Variants in CHST7 observed in about 807,000 individuals in gnomAD.
The protein encoded by CHST7 is N-acetylglucosamine 6-O-sulfotransferase 4.
CHST7 carries 5 observed loss-of-function variants against 9.0 expected under a neutral mutation model. The ratio of observed to expected loss-of-function variants is 0.56; its 90% CI spans 0.29 to 1.17. The LOEUF (loss-of-function observed/expected upper bound fraction) is 1.17. Among genes scored for constraint, CHST7 ranks in the 50% most tolerant of loss-of-function variants. The probability of loss-of-function intolerance (pLI) is 0.08; values close to 1 mark genes in which losing one functional copy is unlikely to be tolerated. For missense variants in CHST7, 377 were observed against 485.1 expected, an observed-to-expected ratio of 0.78 and a Z score of 2.09; for synonymous variants, 244 against 237.1, an observed-to-expected ratio of 1.03 and a Z score of -0.27.
At chrX:46,579,879 C>T (rs1207218999) in intron 1 of CHST7, among the ~76,000 whole-genome samples, 2 of 110,138 alleles carry the variant, frequency 1.8e-5, no homozygotes, top group African/African-American at 6.6e-5. Context: ...GTAGTCCCAG[C>T]TACTTGAGAG....
intron 1 of CHST7, among the ~76,000 whole-genome samples, chrX:46,591,517 G>A (rs1243831530): frequency 1.8e-5 from 2 of 109,908 alleles, no homozygotes; most frequent in Non-Finnish European, 3.8e-5. Context: ...TGGGATTACA[G>A]GGGTGCGCCA....
Position 46,574,030 on chromosome X carries a change from C to T in CHST7, c.99C>T (p.Asp33=). The change falls in exon 1 of 2, where the codon GAC becomes GAT. Residue 33 remains aspartate, a synonymous_variant. Coordinates refer to ENST00000276055, the MANE Select transcript of CHST7 (RefSeq NM_019886.4). ...LVLLLVPSVL[D]GGRDGDKGAE... is the part of the protein sequence containing the mutation. ...TGTTGCTCGTCCCCTCCGTATTGGACGGCGGCCGCGACGGGGACAAGGGCG... is the reference window on the plus strand; with the variant it reads ...TGTTGCTCGTCCCCTCCGTATTGGATGGCGGCCGCGACGGGGACAAGGGCG... 1.7e-6 allele frequency: 2 copies of T among 1,161,395 alleles called. No homozygotes were observed. The highest frequency in any genetic ancestry group is 2.3e-6 in the Non-Finnish European group (2 of 875,374).
rs1344880583 is a variant in CHST7 at position 46,574,486 on chromosome X, C to T, written c.555C>T (p.Ala185=). 6.6e-6 allele frequency: 8 copies of T among 1,205,745 alleles called. No homozygotes were observed. The highest frequency in any genetic ancestry group is 2.2e-5 in the Admixed American group (1 of 45,737). ...GDPAARAPDT[A]NLTTAALFRW... ...CCGCTGCGCGCGCCCCGGACACGGC[C>T]AATCTTACCACGGCCGCCCTCTTCC... is the stretch of plus-strand genomic sequence containing the variant. The change falls in exon 1 of 2, where the codon GCC becomes GCT. Residue 185 remains alanine (A), a synonymous_variant. Transcript: ENST00000276055.
At chrX:46,593,651 A>G (rs1486606282) in intron 1 of CHST7, among the ~76,000 whole-genome samples, 1 of 111,846 alleles carries the variant, frequency 8.9e-6, no homozygotes, top group Non-Finnish European at 1.9e-5. Flanking sequence ...CTAATTATTG[A>G]TATTTTAGGA....
chrX:46,577,104 A>C (rs1397947129), intron 1 of CHST7, among the ~76,000 whole-genome samples: 1 of 107,281 alleles, frequency 9.3e-6, no homozygotes, highest in Non-Finnish European at 1.9e-5. Context: ...AAGACATGAC[A>C]ATCTCCCAGA....
chrX:46,575,188 C>T lies in CHST7; in HGVS notation c.1257C>T (p.Pro419=), dbSNP rs774347767. The T allele has an allele frequency of 5.4e-6, 6 of 1,104,336 alleles. No homozygotes were observed. The highest frequency in any genetic ancestry group is 7.0e-6 in the Non-Finnish European group (6 of 851,293). The allele number at this position is 1,104,336 out of a possible 1,213,427, so 91.0% of individuals were successfully genotyped here. Residue 419 remains proline, a synonymous_variant, in exon 1 of 2, where the codon CCC becomes CCT. Transcript: ENST00000276055. ...TRGAAYGADR[P]FHLSARDARE... is the part of the protein sequence containing the mutation. ...GCGCGGCCTACGGCGCCGACCGGCC[C>T]TTCCACCTGTCAGCGCGCGACGCCC...
chrX:46,588,311 A>C (rs888789423), intron 1 of CHST7, among the ~76,000 whole-genome samples: 1 of 111,324 alleles, frequency 9.0e-6, no homozygotes, highest in Non-Finnish European at 1.9e-5. Context: ...ACCTGACTTG[A>C]AATGGGGGGC....
At position 46,575,096 on chromosome X, in the gene CHST7, C is replaced by T; in HGVS notation, c.1165C>T (p.Leu389=). 1 of 1,119,553 alleles carries T rather than the reference C, an allele frequency of 8.9e-7. No homozygotes were observed. The allele number at this position is 1,119,553 out of a possible 1,213,427, so 92.3% of individuals were successfully genotyped here. ...VRQPRAQLRR[L]LRFSGLRALA... Reference sequence around the variant, plus strand: ...GCAGCCACGCGCCCAGCTGCGCCGCCTGCTGCGCTTCTCCGGGCTACGCGC... The same window carrying T: ...GCAGCCACGCGCCCAGCTGCGCCGCTTGCTGCGCTTCTCCGGGCTACGCGC... Residue 389 remains leucine, a synonymous_variant, in exon 1 of 2, where the codon CTG becomes TTG. Coordinates refer to ENST00000276055, the MANE Select transcript of CHST7 (RefSeq NM_019886.4).
rs377284218 is a variant in CHST7 at position 46,575,845 on chromosome X, A to G, written c.*31+422A>G. Among the ~76,000 whole-genome samples, 4 of 112,094 alleles carry G rather than the reference A, an allele frequency of 3.6e-5. No homozygotes were observed. The East Asian group carries it at 1.1e-3, about 31-fold the overall frequency. ...ATGATTATGGAGTTATCTTGATGCCAGTTTGTCCTGTGAGGAGACTTTGCA... is the reference window on the plus strand; with the variant it reads ...ATGATTATGGAGTTATCTTGATGCCGGTTTGTCCTGTGAGGAGACTTTGCA... On this transcript the variant is annotated intron_variant, in intron 1 of 1. Transcript: ENST00000276055.
rs1003140372 is a variant in CHST7, at chrX:46,575,349, A to G, written c.1418A>G (p.Glu473Gly). 5 of 1,062,606 alleles carry G rather than the reference A, an allele frequency of 4.7e-6. No homozygotes were observed. Among genetic ancestry groups the G allele is most frequent in the Non-Finnish European group, 4.8e-6 (4 of 827,798 alleles). The allele number at this position is 1,062,606 out of a possible 1,213,427, so 87.6% of individuals were successfully genotyped here. Residue 473 changes from glutamate (E) to glycine (G), a missense_variant, in exon 1 of 2, where the codon GAA becomes GGA. Around this residue, in one of 3 missense-constraint regions of CHST7, gnomAD observed 8 missense variants for 24.5 expected, o/e 0.33. Transcript: ENST00000276055. ...GEEGDAEQPR[E>G]GETPLEMDAD... is the part of the protein sequence containing the mutation. The stretch of plus-strand genomic sequence containing the variant: ...GAGGGCGACGCGGAGCAGCCCAGGG[A>G]AGGGGAGACGCCGCTGGAGATGGAT...
At chrX:46,577,681 T>C (rs143244971) in intron 1 of CHST7, among the ~76,000 whole-genome samples, 291 of 111,299 alleles carry the variant, frequency 2.6e-3, no homozygotes, top group African/African-American at 7.6e-3. Flanking sequence ...GGTGGAACAG[T>C]GTTTGGTGTT....
chrX:46,585,844 C>T (rs764757666), intron 1 of CHST7, among the ~76,000 whole-genome samples: 12 of 110,988 alleles, frequency 1.1e-4, no homozygotes, highest in Non-Finnish European at 2.3e-4. Context: ...CTCCTGAGTT[C>T]GAGCGATTCT....
Position 46,575,198 on chromosome X carries a change from T to C in CHST7, c.1267T>C (p.Ser423Pro). ...CGGCGCCGACCGGCCCTTCCACCTG[T>C]CAGCGCGCGACGCCCGGGAGGCGGT... ...AYGADRPFHL[S>P]ARDAREAVHA... is the part of the protein sequence containing the mutation. The change falls in exon 1 of 2, where the codon TCA (serine) becomes CCA (proline). Residue 423 changes from serine (S) to proline (P), a missense_variant. Ser to Pro is a moderately conservative substitution (Grantham distance 74, BLOSUM62 -1). Transcript: ENST00000276055. 1 of 1,102,792 alleles carries C rather than the reference T, an allele frequency of 9.1e-7. No homozygotes were observed. The highest frequency in any genetic ancestry group is 1.2e-6 in the Non-Finnish European group (1 of 850,521). 90.9% of individuals were successfully genotyped at this position (1,102,792 alleles called of 1,213,427 possible). A position where few individuals can be genotyped will look rare whatever the true frequency, so the allele number is the denominator to read the frequency against.
intron 1 of CHST7, among the ~76,000 whole-genome samples, chrX:46,583,477 T>C (rs757842393): frequency 6.2e-5 from 7 of 112,282 alleles, no homozygotes; most frequent in Admixed American, 1.9e-4. Flanking sequence ...CTTGGCACCC[T>C]GGCACCAAGC....
rs758720147 is a variant in CHST7 at position 46,575,050 on chromosome X, G to A, written c.1119G>A (p.Leu373=). The A allele has an allele frequency of 8.8e-7, 1 of 1,135,596 alleles. No individual in the cohort carries two copies. Among genetic ancestry groups the A allele is most frequent in the South Asian group, 2.0e-5 (1 of 49,304 alleles). The allele number at this position is 1,135,596 out of a possible 1,213,427, so 93.6% of individuals were successfully genotyped here. A position where few individuals can be genotyped will look rare whatever the true frequency, so the allele number is the denominator to read the frequency against. ...PAWLRRRYLR[L]RYEDLVRQPR... is the part of the protein sequence containing the mutation. ...GGCTGCGGCGCCGCTACCTGAGGCT[G>A]CGCTATGAGGACCTGGTGCGGCAGC... The change falls in exon 1 of 2, where the codon CTG becomes CTA. Residue 373 remains leucine (L), a synonymous_variant. Coordinates refer to ENST00000276055, the MANE Select transcript of CHST7 (RefSeq NM_019886.4).
At position 46,573,788 on chromosome X, in the gene CHST7, T is replaced by C; in HGVS notation, c.-144T>C. 2.1e-6 allele frequency: 2 copies of C among 943,216 alleles called. No individual in the cohort carries two copies. The highest frequency in any genetic ancestry group is 2.5e-5 in the South Asian group (1 of 39,625). The allele number at this position is 943,216 out of a possible 1,213,427, so 77.7% of individuals were successfully genotyped here. On this transcript the variant is annotated 5_prime_UTR_variant, in exon 1 of 2. Transcript: ENST00000276055. ...TCAGTAGCACCACCGCCTTCCAAGTTTCCCCTTGTGGATGCGCGGCCCCGC... is the reference window on the plus strand; with the variant it reads ...TCAGTAGCACCACCGCCTTCCAAGTCTCCCCTTGTGGATGCGCGGCCCCGC...
intron 1 of CHST7, among the ~76,000 whole-genome samples, chrX:46,591,499 C>T (rs1836004176): frequency 9.1e-6 from 1 of 110,385 alleles, no homozygotes; most frequent in African/African-American, 3.3e-5. Context: ...CTCAGCCTCC[C>T]CAGTAGCTGG....
At chrX:46,588,003 G>A (rs1368628119) in intron 1 of CHST7, among the ~76,000 whole-genome samples, 1 of 111,665 alleles carries the variant, frequency 9.0e-6, no homozygotes, top group Non-Finnish European at 1.9e-5. Flanking sequence ...TCATCCAGCT[G>A]GTGGTAACAG....
At chrX:46,580,983 T>G (rs765007381) in intron 1 of CHST7, among the ~76,000 whole-genome samples, 19 of 111,054 alleles carry the variant, frequency 1.7e-4, no homozygotes, top group African/African-American at 6.2e-4. Flanking sequence ...GCCTGTAATC[T>G]CAGCACTTTG....
Sources: allele counts gnomAD v4.1 joint callset (sites outside exome capture counted in the v4.1 genomes callset), GRCh38; gene constraint gnomAD v4.1.1; regional missense constraint gnomAD v4.1.1; transcripts MANE v1.5; gene names NCBI Gene and HGNC (gene_info 2026-07-23, HGNC 2026-07-21).